Variants in EYS observed in about 807,000 individuals in gnomAD.
EYS encodes protein eyes shut homolog.
EYS carries 250 observed loss-of-function variants against 282.1 expected under a neutral mutation model. That is an observed-to-expected ratio of 0.89 (90% CI 0.80 to 0.98). The LOEUF is 0.98. Ranked by LOEUF, EYS falls within the 50% of genes least tolerant of loss-of-function variation. The pLI, the probability that EYS is intolerant of heterozygous loss-of-function variation, is 0.00. For missense variants in EYS, 4,016 were observed against 3,709.0 expected (o/e 1.08, Z -2.15); for synonymous variants, 1,355 against 1,282.9 (o/e 1.06, Z -1.20).
intron 35 of EYS, among the ~76,000 whole-genome samples, chr6:63,892,372 C>G (rs1176989308): frequency 1.3e-5 from 2 of 152,042 alleles, no homozygotes; most frequent in Non-Finnish European, 2.9e-5. Context: ...GTACTGGTAC[C>G]AAAACACATA....
chr6:65,173,527 G>A (rs1765159503), intron 12 of EYS, among the ~76,000 whole-genome samples: 1 of 151,148 alleles, frequency 6.6e-6, no homozygotes. Flanking sequence ...AACCTTTGAA[G>A]TACAACTTTA....
chr6:64,857,310 CTA>C (rs1766094316), intron 19 of EYS, among the ~76,000 whole-genome samples: 1 of 152,140 alleles, frequency 6.6e-6, no homozygotes, highest in Admixed American at 6.6e-5. Context: ...CTGGTAACCA[CTA>C]TGAGTTCAAC....
At chr6:65,457,519 G>C (rs1005701747) in intron 5 of EYS, among the ~76,000 whole-genome samples, 3 of 152,106 alleles carry the variant, frequency 2.0e-5, no homozygotes, top group Non-Finnish European at 4.4e-5. Context: ...TGTTGGAATT[G>C]CAAAGTTGAA....
intron 2 of EYS, among the ~76,000 whole-genome samples, chr6:65,503,817 T>A (rs2127279593): frequency 6.6e-6 from 1 of 151,854 alleles, no homozygotes; most frequent in Non-Finnish European, 1.5e-5. Flanking sequence ...TTGATCTACA[T>A]GCTTGTTCTT....
At chr6:63,987,888 C>T (rs1234438856) in intron 34 of EYS, among the ~76,000 whole-genome samples, 1 of 151,532 alleles carries the variant, frequency 6.6e-6, no homozygotes, top group African/African-American at 2.4e-5. Context: ...AGAGCAGAAA[C>T]ATGTTTAATT....
intron 22 of EYS, among the ~76,000 whole-genome samples, chr6:64,684,570 AAC>A (rs1679952511): frequency 9.9e-6 from 1 of 101,320 alleles, no homozygotes; most frequent in Non-Finnish European, 2.3e-5. Flanking sequence ...CAACAATTAT[AAC>A]ACATAATTAT....
chr6:64,024,283 G>C (rs1046752903), intron 33 of EYS, among the ~76,000 whole-genome samples: 12 of 152,148 alleles, frequency 7.9e-5, no homozygotes, highest in Non-Finnish European at 1.6e-4. Context: ...CTAGCTCAGG[G>C]TTTGTGAATG....
chr6:65,137,983 G>A lies in EYS; in HGVS notation c.2024-80256C>T, dbSNP rs574067245. 2.0e-5 allele frequency among the ~76,000 whole-genome samples: 3 copies of A among 152,026 alleles called. No homozygotes were observed. In the East Asian group the frequency reaches 5.8e-4, roughly 30 times the overall value. On this transcript the variant is annotated intron_variant, in intron 12 of 42. Coordinates refer to ENST00000503581, the MANE Select transcript of EYS (RefSeq NM_001142800.2). ...AAAAGAGACTGCTAGAGATTATAAT[G>A]CCTAAATAAAAAAAGAACAAAAAAT...
At chr6:64,686,582 A>C (rs1419894629) in intron 22 of EYS, among the ~76,000 whole-genome samples, 1 of 149,978 alleles carries the variant, frequency 6.7e-6, no homozygotes, top group Non-Finnish European at 1.5e-5. Context: ...TCTACTAAAA[A>C]TACAAAAATT....
intron 1 of EYS, among the ~76,000 whole-genome samples, chr6:65,674,129 G>A (rs1379707118): frequency 2.0e-5 from 3 of 151,792 alleles, no homozygotes; most frequent in Non-Finnish European, 4.4e-5. Flanking sequence ...GAAGAGTGAA[G>A]AAAGCCTAAA....
chr6:64,711,547 G>A (rs189565887), intron 22 of EYS, among the ~76,000 whole-genome samples: 1 of 152,232 alleles, frequency 6.6e-6, no homozygotes, highest in East Asian at 1.9e-4. Flanking sequence ...ACTGGGTTTG[G>A]CCTAGTCTTA....
chr6:63,796,814 A>G (rs573397151), intron 37 of EYS, among the ~76,000 whole-genome samples: 2 of 152,212 alleles, frequency 1.3e-5, no homozygotes, highest in Non-Finnish European at 2.9e-5. Flanking sequence ...GAATAACTTC[A>G]AGTGTTTTAA....
chr6:63,894,375 T>G (rs978994707), intron 35 of EYS, among the ~76,000 whole-genome samples: 1 of 152,042 alleles, frequency 6.6e-6, no homozygotes, highest in Admixed American at 6.5e-5. Flanking sequence ...GAGACGTCCA[T>G]GTGAAGACAG....
In EYS at chr6:64,626,168, G is replaced by A; in HGVS notation, c.3521C>T (p.Ala1174Val). Residue 1174 changes from alanine to valine, a missense_variant, in exon 23 of 43, where the codon GCA becomes GTA. Physicochemically the swap from Ala to Val is moderately conservative, Grantham distance 64. Transcript: ENST00000503581. Reference sequence around the variant, plus strand: ...TCCATTGATGTGATCTTCACAGTCTGCACCATGTAGACATGGTGATGAAGA... The same window carrying A: ...TCCATTGATGTGATCTTCACAGTCTACACCATGTAGACATGGTGATGAAGA... ...ECSSSPCLHG[A>V]DCEDHINGYV... 1.9e-6 allele frequency: 3 copies of A among 1,545,136 alleles called. No homozygotes were observed. The highest frequency in any genetic ancestry group is 2.6e-6 in the Non-Finnish European group (3 of 1,144,852).
chr6:64,238,210 A>G (rs999126659), intron 30 of EYS, among the ~76,000 whole-genome samples: 8 of 152,108 alleles, frequency 5.3e-5, no homozygotes, highest in Admixed American at 2.6e-4. Context: ...GATTCCTTAG[A>G]TTACAAGCTT....
intron 22 of EYS, among the ~76,000 whole-genome samples, chr6:64,761,078 G>A (rs190914107): frequency 4.4e-4 from 67 of 152,244 alleles, no homozygotes; most frequent in African/African-American, 1.3e-3. Flanking sequence ...TGGGGGTTTC[G>A]TAACTCTACT....
At chr6:64,273,642 C>T (rs960350066) in intron 30 of EYS, among the ~76,000 whole-genome samples, 1 of 151,972 alleles carries the variant, frequency 6.6e-6, no homozygotes, top group Non-Finnish European at 1.5e-5. Context: ...CATTTCTTTC[C>T]TTAAATACTA....
intron 1 of EYS, among the ~76,000 whole-genome samples, chr6:65,701,066 C>T (rs541527216): frequency 6.6e-6 from 1 of 152,252 alleles, no homozygotes; most frequent in East Asian, 1.9e-4. Context: ...GCCATATACA[C>T]CATCCTTGTA....
At chr6:65,493,296 C>G (rs1040414116) in intron 4 of EYS, among the ~76,000 whole-genome samples, 4 of 152,138 alleles carry the variant, frequency 2.6e-5, no homozygotes, top group Non-Finnish European at 5.9e-5. Flanking sequence ...AAGGAATCCC[C>G]CTAAAGCCTG....
Sources: gnomAD v4.1 joint callset for allele counts (sites outside exome capture counted in the v4.1 genomes callset) on GRCh38, gnomAD v4.1.1 for gene constraint, MANE v1.5 for transcripts, NCBI Gene and HGNC (gene_info 2026-07-23, HGNC 2026-07-21) for gene names.